ZNF469: variants seen among roughly 807,000 people sequenced by gnomAD.
The protein encoded by ZNF469 is zinc finger protein 469.
Under a neutral mutation model 1.0 loss-of-function variants are expected in ZNF469, and 1 was observed. The observed-to-expected ratio is 1.00, with a 90% confidence interval of 0.35 to 4.73. ZNF469 has a LOEUF of 4.73. ZNF469 is among the 30% of genes most tolerant of loss of function. ZNF469 has a pLI of 0.16. For synonymous variants in ZNF469, 2,703 were observed against 2,363.4 expected (o/e 1.14, Z -4.17); for missense variants, 6,100 against 5,356.3 (o/e 1.14, Z -4.33).
chr16:88,141,155 A>G, the ZNF469 span, among the ~76,000 whole-genome samples: 17 of 152,214 alleles, frequency 1.1e-4, no homozygotes, highest in Non-Finnish European at 1.9e-4. Flanking sequence ...CAAAAAAAGT[A>G]TAAAAGTATT....
At chr16:88,219,848 GT>G in the ZNF469 span, among the ~76,000 whole-genome samples, 1 of 152,200 alleles carries the variant, frequency 6.6e-6, no homozygotes, top group South Asian at 2.1e-4. Context: ...TCTTTCCTCT[GT>G]CCCCAGAAGT....
At chr16:88,151,033 T>C in the ZNF469 span, among the ~76,000 whole-genome samples, 3 of 152,016 alleles carry the variant, frequency 2.0e-5, no homozygotes. The surrounding 1 kb of genome is among the most constrained non-coding windows in gnomAD (Gnocchi z 5.4). Flanking sequence ...CTAATGAAAA[T>C]GGCACAGAAG....
At chr16:88,151,316 G>C in the ZNF469 span, among the ~76,000 whole-genome samples, 1 of 152,234 alleles carries the variant, frequency 6.6e-6, no homozygotes, top group Non-Finnish European at 1.5e-5. The surrounding 1 kb of genome is among the most constrained non-coding windows in gnomAD (Gnocchi z 5.4). Context: ...GAGCGTCCAC[G>C]TGGTCAGCCA....
intron 1 of ZNF469, among the ~76,000 whole-genome samples, chr16:88,397,528 G>A (rs1298811776): frequency 6.6e-6 from 1 of 152,132 alleles, no homozygotes; most frequent in Non-Finnish European, 1.5e-5. Flanking sequence ...AATGTTAGCA[G>A]TCTTTGCCCC....
chr16:88,132,184 G>T, the ZNF469 span, among the ~76,000 whole-genome samples: 1 of 152,240 alleles, frequency 6.6e-6, no homozygotes, highest in Non-Finnish European at 1.5e-5. Context: ...TCATGCCACA[G>T]CGCCAGGCCC....
chr16:88,104,872 T>G, the ZNF469 span, among the ~76,000 whole-genome samples: 8 of 152,112 alleles, frequency 5.3e-5, no homozygotes, highest in Non-Finnish European at 8.8e-5. Context: ...TATCAGTGTG[T>G]GGACCTCTGG....
the ZNF469 span, among the ~76,000 whole-genome samples, chr16:88,232,111 G>A: frequency 1.7e-4 from 26 of 152,258 alleles, no homozygotes; most frequent in East Asian, 1.5e-3. Context: ...CCTCGACCAC[G>A]CAAAGGCTGG....
the ZNF469 span, among the ~76,000 whole-genome samples, chr16:88,229,861 C>A: frequency 6.6e-6 from 1 of 152,130 alleles, no homozygotes; most frequent in Non-Finnish European, 1.5e-5. Context: ...ACAGCAGGGA[C>A]CCCCCAGCAG....
the ZNF469 span, among the ~76,000 whole-genome samples, chr16:88,201,878 ACTGTG>A: frequency 3.3e-5 from 5 of 152,270 alleles, no homozygotes; most frequent in African/African-American, 1.2e-4. This position sits in a 1 kb window ranked among gnomAD's most constrained non-coding sequence, Gnocchi z 5.0. Context: ...TGTGTGCTCA[ACTGTG>A]ATTCGATAAC....
chr16:88,257,314 AG>A, the ZNF469 span, among the ~76,000 whole-genome samples: 8 of 146,312 alleles, frequency 5.5e-5, no homozygotes, highest in South Asian at 2.2e-4. Context: ...TTCTTTGGTG[AG>A]GCGTCATTTA....
chr16:88,120,509 C>T, the ZNF469 span, among the ~76,000 whole-genome samples: 8 of 152,358 alleles, frequency 5.3e-5, no homozygotes, highest in South Asian at 2.1e-4. Flanking sequence ...GTTACTGTGA[C>T]GGTCACCTGG....
chr16:88,359,487 G>A, the ZNF469 span, among the ~76,000 whole-genome samples: 2 of 152,228 alleles, frequency 1.3e-5, no homozygotes, highest in Non-Finnish European at 2.9e-5. Flanking sequence ...TTTGGTTTGT[G>A]TGGGAAGGAG....
the ZNF469 span, among the ~76,000 whole-genome samples, chr16:88,203,762 C>T: frequency 6.6e-6 from 1 of 151,160 alleles, no homozygotes; most frequent in Non-Finnish European, 1.5e-5. Context: ...CTCTGTGTCT[C>T]TCGCTTTATA....
At chr16:88,413,957 G>T (rs1297417235) in intron 1 of ZNF469, among the ~76,000 whole-genome samples, 1 of 152,176 alleles carries the variant, frequency 6.6e-6, no homozygotes, top group Non-Finnish European at 1.5e-5. Context: ...CACCAAGAGG[G>T]GTGAGGAGAA....
the ZNF469 span, among the ~76,000 whole-genome samples, chr16:88,133,766 C>T: frequency 2.1e-3 from 316 of 152,254 alleles, no homozygotes; most frequent in African/African-American, 6.9e-3. Flanking sequence ...GGAAATACCT[C>T]GACCTGGCTT....
At chr16:88,303,162 CTG>C in the ZNF469 span, among the ~76,000 whole-genome samples, 1 of 152,190 alleles carries the variant, frequency 6.6e-6, no homozygotes, top group African/African-American at 2.4e-5. Flanking sequence ...GAAGTTGTGT[CTG>C]AGGATTTGGT....
the ZNF469 span, among the ~76,000 whole-genome samples, chr16:88,359,256 C>T: frequency 4.2e-4 from 63 of 149,556 alleles, no homozygotes; most frequent in African/African-American, 1.4e-3. Context: ...CCCGGGGGCT[C>T]GGTACCCTGC....
At chr16:88,425,072 G>C (rs1016814187) in intron 2 of ZNF469, among the ~76,000 whole-genome samples, 1 of 152,182 alleles carries the variant, frequency 6.6e-6, no homozygotes, top group South Asian at 2.1e-4. Flanking sequence ...CAGCAGGCGG[G>C]CGTGTCACCT....
At position 88,432,534 on chromosome 16, in the gene ZNF469, G is replaced by A. The variant is rs1302938816; in HGVS notation, c.5064G>A (p.Arg1688=). The change falls in exon 3 of 3, where the codon AGG becomes AGA. Residue 1688 remains arginine, a synonymous_variant. Transcript: ENST00000565624. ...TTTCTGGGGCTCCTTTCAGCCCCAG[G>A]GGAGCCAACTTCCATTTTCAGCCAG... is the stretch of plus-strand genomic sequence containing the variant. The part of the protein sequence containing the change: ...DLVSGAPFSP[R]GANFHFQPVQ... 8.4e-6 allele frequency: 13 copies of A among 1,550,240 alleles called. No homozygotes were observed. In the Admixed American group the frequency reaches 2.5e-4, roughly 30 times the overall value.
Sources: gnomAD v4.1 joint callset for allele counts (sites outside exome capture counted in the v4.1 genomes callset) on GRCh38, gnomAD v4.1.1 for gene constraint, Gnocchi (gnomAD v3.1) non-coding constraint, MANE v1.5 for transcripts, NCBI Gene and HGNC (gene_info 2026-07-23, HGNC 2026-07-21) for gene names.